The following GIPC2 variants were observed in gnomAD, a reference collection of about 807,000 sequenced individuals.
The protein encoded by GIPC2 is PDZ domain-containing protein GIPC2.
GIPC2 carries 30 observed loss-of-function variants against 30.6 expected under a neutral mutation model. The observed-to-expected ratio is 0.98, with a 90% CI of 0.73 to 1.33. GIPC2 has a LOEUF of 1.33. Among genes scored for constraint, GIPC2 ranks in the 40% most tolerant of loss-of-function variants. GIPC2 has a pLI of 0.00. For missense variants in GIPC2, 414 were observed against 390.3 expected (o/e 1.06, Z -0.51); for synonymous variants, 167 against 150.0 (o/e 1.11, Z -0.83).
chr1:78,077,657 T>A (rs899618719), intron 1 of GIPC2, among the ~76,000 whole-genome samples: 33 of 152,182 alleles, frequency 2.2e-4, no homozygotes, highest in African/African-American at 7.2e-4. Flanking sequence ...TGTTATATTT[T>A]AAAAAAAAGT....
chr1:78,085,247 T>C (rs1278199565), intron 2 of GIPC2, among the ~76,000 whole-genome samples: 2 of 152,244 alleles, frequency 1.3e-5, no homozygotes, highest in Admixed American at 6.5e-5. Flanking sequence ...GATATGCTTA[T>C]GTTGAACCAA....
At chr1:78,048,431 C>CT (rs35430445) in intron 1 of GIPC2, among the ~76,000 whole-genome samples, 62 of 144,894 alleles carry the variant, frequency 4.3e-4, no homozygotes, top group East Asian at 1.2e-3. Flanking sequence ...TTTTTCTTTT[C>CT]TTTTTTTTTT....
At chr1:78,045,941 G>A, upstream of GIPC2, 7 of 1,361,982 alleles carry the variant, frequency 5.1e-6, no homozygotes, top group Non-Finnish European at 5.6e-6. Context: ...AGGGGTGGAG[G>A]TCGGGGCCCT....
At chr1:78,118,887 A>C (rs954868322) in intron 3 of GIPC2, among the ~76,000 whole-genome samples, 6 of 152,182 alleles carry the variant, frequency 3.9e-5, no homozygotes, top group African/African-American at 1.4e-4. Context: ...ATGAGTATTA[A>C]ATGGGATTTT....
chr1:78,133,973 A>G (rs1342864962), intron 5 of GIPC2, among the ~76,000 whole-genome samples: 2 of 152,110 alleles, frequency 1.3e-5, no homozygotes, highest in Admixed American at 6.6e-5. Context: ...TTTCTGGTAC[A>G]AGATAGTCTT....
chr1:78,074,465 C>T (rs930810979), intron 1 of GIPC2, among the ~76,000 whole-genome samples: 2 of 152,150 alleles, frequency 1.3e-5, no homozygotes, highest in Non-Finnish European at 2.9e-5. Context: ...TTAAGCGATC[C>T]TCCCACTTCA....
At chr1:78,080,548 C>T in intron 1 of GIPC2, 127 bp from the exon 2 acceptor site, 2 of 570,116 alleles carry the variant, frequency 3.5e-6, no homozygotes, top group South Asian at 6.0e-5. Flanking sequence ...CATAAAAACA[C>T]ATTTTATGAT....
intron 1 of GIPC2, among the ~76,000 whole-genome samples, chr1:78,068,125 T>TA (rs1374537910): frequency 6.6e-6 from 1 of 151,948 alleles, no homozygotes; most frequent in Non-Finnish European, 1.5e-5. Flanking sequence ...CTTATTCTTC[T>TA]AAGCCAAAAA....
chr1:78,119,348 A>G (rs777969624), intron 3 of GIPC2, 45 bp from the exon 4 acceptor site: 1 of 1,017,190 alleles, frequency 9.8e-7, no homozygotes, highest in Non-Finnish European at 1.6e-6. Flanking sequence ...ATCTGTTGGG[A>G]TGCTTTCTGT....
chr1:78,113,128 G>A (rs1165020380), intron 3 of GIPC2, among the ~76,000 whole-genome samples: 1 of 152,018 alleles, frequency 6.6e-6, no homozygotes, highest in Non-Finnish European at 1.5e-5. Flanking sequence ...TAATGTAAAA[G>A]GCCTTTGAGT....
intron 1 of GIPC2, among the ~76,000 whole-genome samples, chr1:78,073,444 A>G (rs1328297395): frequency 2.0e-5 from 3 of 152,136 alleles, no homozygotes; most frequent in African/African-American, 7.2e-5. Flanking sequence ...TGATATTTCT[A>G]TAATGTTTAT....
intron 5 of GIPC2, among the ~76,000 whole-genome samples, chr1:78,132,665 ATGTGTGTG>A (rs61463492): frequency 1.3e-4 from 19 of 142,718 alleles, no homozygotes; most frequent in Middle Eastern, 3.5e-3. Flanking sequence ...ATAGCCAAGG[ATGTGTGTG>A]TGTGTGTGTG....
chr1:78,105,669 A>G (rs1341790911), intron 3 of GIPC2, among the ~76,000 whole-genome samples: 4 of 152,196 alleles, frequency 2.6e-5, no homozygotes, highest in Non-Finnish European at 5.9e-5. Context: ...ACTGTTTTTA[A>G]GCTTATTAAT....
upstream of GIPC2, chr1:78,045,129 G>A (rs1191165370): frequency 1.1e-6 from 1 of 920,318 alleles, no homozygotes; most frequent in Non-Finnish European, 1.3e-6. Flanking sequence ...ACTTGTATTT[G>A]GTAATTAAGA....
chr1:78,052,345 G>A (rs1193429613), intron 1 of GIPC2, among the ~76,000 whole-genome samples: 1 of 152,176 alleles, frequency 6.6e-6, no homozygotes, highest in Non-Finnish European at 1.5e-5. Context: ...ACAAAGGCAA[G>A]GATTTTTGTC....
rs1276189480 is a variant in GIPC2 at position 78,046,353 on chromosome 1, A to G, written c.240+19A>G. 5 of 1,588,462 alleles carry G rather than the reference A, an allele frequency of 3.1e-6. No homozygotes were observed. Among genetic ancestry groups the G allele is most frequent in the Non-Finnish European group, 4.3e-6 (5 of 1,166,134 alleles). ...GTCGGAGGTAAGGCGCCAGGTGCTCAGGCTCTCCCGCCTCTCCGCCGCGCC... is the reference window on the plus strand; with the variant it reads ...GTCGGAGGTAAGGCGCCAGGTGCTCGGGCTCTCCCGCCTCTCCGCCGCGCC... On this transcript the variant is annotated intron_variant, in intron 1 of 5. Coordinates refer to ENST00000370759, the MANE Select transcript of GIPC2 (RefSeq NM_017655.6).
chr1:78,046,364 C>G (rs762445383), intron 1 of GIPC2, 30 bp downstream of exon 1: 2 of 1,570,840 alleles, frequency 1.3e-6, no homozygotes, highest in South Asian at 2.3e-5. Context: ...GGCTCTCCCG[C>G]CTCTCCGCCG....
At chr1:78,107,382 C>T (rs1662374910) in intron 3 of GIPC2, among the ~76,000 whole-genome samples, 1 of 151,942 alleles carries the variant, frequency 6.6e-6, no homozygotes, top group African/African-American at 2.4e-5. Flanking sequence ...TGGGCTCAAG[C>T]AGTATGCCAG....
At chr1:78,091,957 C>T (rs1260855860) in intron 2 of GIPC2, 6 of 1,113,276 alleles carry the variant, frequency 5.4e-6, no homozygotes, top group Non-Finnish European at 8.3e-6. Context: ...ATTTTTGCTT[C>T]TTCTTCGTTT....
Sources: allele counts gnomAD v4.1 joint callset (sites outside exome capture counted in the v4.1 genomes callset), GRCh38; gene constraint gnomAD v4.1.1; transcripts MANE v1.5; gene names NCBI Gene and HGNC (gene_info 2026-07-23, HGNC 2026-07-21).